KIAA0040: variants seen among roughly 807,000 people sequenced by gnomAD.
KIAA0040 encodes KIAA0040, also known as uncharacterized protein KIAA0040.
In KIAA0040, 10 loss-of-function variants were observed where a neutral mutation model predicts 7.2. That is an observed-to-expected ratio of 1.38 (90% CI 0.85 to 2.34). The LOEUF (loss-of-function observed/expected upper bound fraction) is 2.34, where lower values mean the gene tolerates loss of function less well. KIAA0040 is among the 30% of genes most tolerant of loss of function. KIAA0040 has a pLI of 0.00. For missense variants in KIAA0040, 89 were observed against 108.2 expected (o/e 0.82, Z 0.79); for synonymous variants, 49 against 40.1 (o/e 1.22, Z -0.84).
At chr1:175,190,911 T>C (rs1273612539) in intron 1 of KIAA0040, among the ~76,000 whole-genome samples, 1 of 152,204 alleles carries the variant, frequency 6.6e-6, no homozygotes, top group African/African-American at 2.4e-5. Context: ...TGACTTTGCA[T>C]ACCCTCTTTC....
intron 2 of KIAA0040, among the ~76,000 whole-genome samples, chr1:175,170,665 GCTCT>G (rs1676955584): frequency 6.6e-6 from 1 of 152,028 alleles, no homozygotes; most frequent in Non-Finnish European, 1.5e-5. Flanking sequence ...GGTCCTACCT[GCTCT>G]CTCTCTGACT....
In KIAA0040 at chr1:175,157,591, T is replaced by G. The variant is rs1003017583; in HGVS notation, c.*3123A>C. ...TTTTTCTTTTGTGTGTGTTTGAATT[T>G]TACAGAAAAAAATACTGACAAATAC... On this transcript the variant is annotated 3_prime_UTR_variant, in exon 4 of 4. Transcript: ENST00000423313. 1 of 152,170 alleles carries G rather than the reference T, an allele frequency of 6.6e-6. No homozygotes were observed. Among genetic ancestry groups the G allele is most frequent in the African/African-American group, 2.4e-5 (1 of 41,430 alleles). 9.4% of individuals were successfully genotyped at this position (152,170 alleles called of 1,614,324 possible).
chr1:175,173,103 A>C (rs968991456), intron 2 of KIAA0040, among the ~76,000 whole-genome samples: 1 of 151,990 alleles, frequency 6.6e-6, no homozygotes, highest in African/African-American at 2.4e-5. Context: ...CTTTATTTCC[A>C]TTCACTCCCA....
At chr1:175,170,305 G>T (rs1432528940) in intron 2 of KIAA0040, among the ~76,000 whole-genome samples, 6 of 152,138 alleles carry the variant, frequency 3.9e-5, no homozygotes, top group Non-Finnish European at 8.8e-5. Context: ...ACAGAAAGGT[G>T]CCTTCCCCTT....
At chr1:175,192,504 A>G (rs1160601627) in intron 1 of KIAA0040, 136 bp downstream of exon 1, 1 of 152,198 alleles carries the variant, frequency 6.6e-6, no homozygotes, top group Non-Finnish European at 1.5e-5. Flanking sequence ...GCAAGAGGCT[A>G]CTTAGGAATA....
chr1:175,173,462 T>C (rs781615635), intron 2 of KIAA0040, among the ~76,000 whole-genome samples: 2 of 152,182 alleles, frequency 1.3e-5, no homozygotes, highest in African/African-American at 4.8e-5. Context: ...TCTATGCCCA[T>C]CCTACAGATG....
intron 1 of KIAA0040, among the ~76,000 whole-genome samples, chr1:175,190,441 C>T (rs1263534155): frequency 1.3e-5 from 2 of 152,204 alleles, no homozygotes; most frequent in Non-Finnish European, 2.9e-5. Flanking sequence ...TGGACATTTC[C>T]TGGGCATATT....
chr1:175,180,981 A>G (rs1259975784), intron 1 of KIAA0040, among the ~76,000 whole-genome samples: 1 of 152,196 alleles, frequency 6.6e-6, no homozygotes, highest in Non-Finnish European at 1.5e-5. Context: ...AATAGCTGGG[A>G]CTACAGGCAT....
intron 1 of KIAA0040, among the ~76,000 whole-genome samples, chr1:175,186,951 C>G (rs1173833824): frequency 6.6e-6 from 1 of 152,158 alleles, no homozygotes; most frequent in Non-Finnish European, 1.5e-5. Flanking sequence ...CACTGTTATG[C>G]TGTGCTGGCA....
chr1:175,171,141 C>T (rs1032286552), intron 2 of KIAA0040, among the ~76,000 whole-genome samples: 2 of 152,210 alleles, frequency 1.3e-5, no homozygotes, highest in Admixed American at 6.5e-5. Context: ...AATTTCCTCC[C>T]GTGTTACCTT....
chr1:175,192,061 C>A (rs1677885557), intron 1 of KIAA0040, among the ~76,000 whole-genome samples: 1 of 152,170 alleles, frequency 6.6e-6, no homozygotes, highest in Admixed American at 6.5e-5. Flanking sequence ...CCCCACTCTA[C>A]CTTCATGGGT....
intron 1 of KIAA0040, among the ~76,000 whole-genome samples, chr1:175,180,622 C>A (rs781225359): frequency 2.6e-5 from 4 of 152,212 alleles, no homozygotes; most frequent in Non-Finnish European, 4.4e-5. Context: ...CTGAGTAGAT[C>A]TCTTTTGGAG....
At chr1:175,171,901 G>A (rs1037274018) in intron 2 of KIAA0040, among the ~76,000 whole-genome samples, 9 of 152,154 alleles carry the variant, frequency 5.9e-5, no homozygotes, top group African/African-American at 2.2e-4. Flanking sequence ...TAATTAAGAC[G>A]TGCTAGGAAA....
rs980993409 is a variant in KIAA0040, at chr1:175,190,409, T to C, written c.-384+2231A>G. Among the ~76,000 whole-genome samples the C allele has an allele frequency of 8.5e-5, 13 of 152,340 alleles. 1 individual carries two copies. Among genetic ancestry groups the C allele is most frequent in the African/African-American group, 3.1e-4 (13 of 41,582 alleles). On this transcript the variant is annotated intron_variant, in intron 1 of 3. Transcript: ENST00000423313. ...CCTCCACCTATGTTCCAGACCTGTA[T>C]ACCCAACTGCTTATCTCCATCTGGA...
intron 1 of KIAA0040, among the ~76,000 whole-genome samples, chr1:175,188,977 A>G (rs960689730): frequency 2.6e-5 from 4 of 152,174 alleles, no homozygotes; most frequent in African/African-American, 9.7e-5. Context: ...GGCAGATGGA[A>G]CTTGGATTCT....
chr1:175,187,328 C>T (rs3766684), intron 1 of KIAA0040, among the ~76,000 whole-genome samples: 74,319 of 151,960 alleles, frequency 0.49, 18,705 homozygotes, highest in Non-Finnish European at 0.56. Context: ...CCAAATCACT[C>T]GGAAGGTCAC....
At chr1:175,181,461 T>C (rs1245191725) in intron 1 of KIAA0040, among the ~76,000 whole-genome samples, 1 of 152,242 alleles carries the variant, frequency 6.6e-6, no homozygotes, top group African/African-American at 2.4e-5. Context: ...ACTATGTGCA[T>C]GAAGAACTTC....
At chr1:175,187,957 T>G (rs1457610798) in intron 1 of KIAA0040, among the ~76,000 whole-genome samples, 2 of 151,846 alleles carry the variant, frequency 1.3e-5, no homozygotes, top group African/African-American at 4.8e-5. Flanking sequence ...GAAATTAGGG[T>G]TGTATTTGAG....
intron 2 of KIAA0040, among the ~76,000 whole-genome samples, chr1:175,171,996 G>T (rs968972158): frequency 1.3e-5 from 2 of 152,116 alleles, no homozygotes; most frequent in South Asian, 4.1e-4. Context: ...ACAATGAAAA[G>T]AATTTTAAAA....
Sources: gnomAD v4.1 joint callset for allele counts (sites outside exome capture counted in the v4.1 genomes callset) on GRCh38, gnomAD v4.1.1 for gene constraint, MANE v1.5 for transcripts, NCBI Gene and HGNC (gene_info 2026-07-23, HGNC 2026-07-21) for gene names.